The following PDS5A variants were observed in gnomAD, a reference collection of about 807,000 sequenced individuals.
PDS5A encodes the protein sister chromatid cohesion protein PDS5 homolog A.
A neutral mutation model predicts 167.1 loss-of-function variants in PDS5A; 42 were observed. The observed-to-expected ratio is 0.25, with a 90% CI of 0.20 to 0.33. The LOEUF is 0.33. PDS5A is among the 10% of genes least tolerant of loss of function. The probability of loss-of-function intolerance (pLI) is 1.00; values close to 1 mark genes in which losing one functional copy is unlikely to be tolerated. For missense variants in PDS5A, 1,033 were observed against 1,605.9 expected (o/e 0.64, Z 6.10); for synonymous variants, 553 against 554.6 (o/e 1.00, Z 0.04).
chr4:39,953,830 T>A (rs1377119647), intron 2 of PDS5A, among the ~76,000 whole-genome samples: 1 of 152,188 alleles, frequency 6.6e-6, no homozygotes, highest in African/African-American at 2.4e-5. Context: ...TATAAATGTT[T>A]CTGTTTACTC....
At chr4:39,826,961 T>C (rs1715380453) in intron 32 of PDS5A, among the ~76,000 whole-genome samples, 1 of 152,152 alleles carries the variant, frequency 6.6e-6, no homozygotes, top group Non-Finnish European at 1.5e-5. Flanking sequence ...AGACTATTAA[T>C]TTGTTATACT....
intron 10 of PDS5A, among the ~76,000 whole-genome samples, chr4:39,909,913 T>C (rs921972723): frequency 1.3e-5 from 2 of 152,198 alleles, no homozygotes; most frequent in Admixed American, 6.5e-5. Context: ...CCTTAAATTA[T>C]GATTTTCAAA....
chr4:39,879,718 T>C lies in PDS5A; in HGVS notation c.1992+10A>G. 1 of 1,560,662 alleles carries C rather than the reference T, an allele frequency of 6.4e-7. No individual in the cohort carries two copies. The highest frequency in any genetic ancestry group is 8.8e-7 in the Non-Finnish European group (1 of 1,132,534). On this transcript the variant is annotated intron_variant, in intron 18 of 32. Coordinates refer to ENST00000303538, the MANE Select transcript of PDS5A (RefSeq NM_001100399.2). The stretch of plus-strand genomic sequence containing the variant: ...GGAAATACATGGCAACAAAACTGTT[T>C]CAAAAATACCTTAAGAAGTTCAAGT...
At chr4:39,889,084 G>C (rs1721744758) in intron 17 of PDS5A, among the ~76,000 whole-genome samples, 1 of 152,176 alleles carries the variant, frequency 6.6e-6, no homozygotes, top group Admixed American at 6.5e-5. Context: ...ATCTCAGAAT[G>C]TGACTGTATT....
At position 39,929,837 on chromosome 4, in the gene PDS5A, C is replaced by G. The variant is rs1193655355; in HGVS notation, c.139-1673G>C. The stretch of plus-strand genomic sequence containing the variant: ...CTCAGCTCATTGCAACCTATGCCTC[C>G]CAGACTCAAGTGGTCCTCCAACCTC... On this transcript the variant is annotated intron_variant, in intron 2 of 32. Transcript: ENST00000303538. Among the ~76,000 whole-genome samples the G allele has an allele frequency of 3.3e-5, 5 of 150,790 alleles. No homozygotes were observed. In the East Asian group the frequency reaches 5.8e-4, roughly 18 times the overall value.
chr4:39,844,159 A>T (rs1357669716), intron 30 of PDS5A, among the ~76,000 whole-genome samples: 1 of 151,916 alleles, frequency 6.6e-6, no homozygotes, highest in Non-Finnish European at 1.5e-5. Flanking sequence ...CTTAAAAAAA[A>T]ATTACATAAA....
At chr4:39,945,806 G>A (rs2109776034) in intron 2 of PDS5A, among the ~76,000 whole-genome samples, 1 of 152,236 alleles carries the variant, frequency 6.6e-6, no homozygotes, top group South Asian at 2.1e-4. Flanking sequence ...TAAATCGTTT[G>A]CCTTATGCTT....
chr4:39,893,800 C>A (rs1396264616), intron 16 of PDS5A, among the ~76,000 whole-genome samples: 5 of 152,138 alleles, frequency 3.3e-5, no homozygotes, highest in Admixed American at 2.6e-4. Context: ...TCAAGTCACA[C>A]AATGCTAATA....
At chr4:39,886,409 G>C (rs963981795) in intron 17 of PDS5A, among the ~76,000 whole-genome samples, 3 of 151,998 alleles carry the variant, frequency 2.0e-5, no homozygotes. Context: ...GAGTAGTACT[G>C]TCATTTTAAC....
chr4:39,871,743 G>A (rs540132894), intron 21 of PDS5A, among the ~76,000 whole-genome samples: 1 of 152,020 alleles, frequency 6.6e-6, no homozygotes, highest in African/African-American at 2.4e-5. Context: ...TGCTCTTGTC[G>A]CCTAGGCTGG....
chr4:39,974,297 G>A, intron 2 of PDS5A: 3 of 534,516 alleles, frequency 5.6e-6, no homozygotes, highest in South Asian at 4.2e-5. Flanking sequence ...TTCTTCACAG[G>A]TTCCATGAGT....
intron 2 of PDS5A, among the ~76,000 whole-genome samples, chr4:39,948,621 ATTTTTT>A (rs55951253): frequency 9.0e-6 from 1 of 110,932 alleles, no homozygotes; most frequent in Admixed American, 1.0e-4. Flanking sequence ...CCACGCCTGG[ATTTTTT>A]TTTTTTTTTT....
chr4:39,829,279 G>GT (rs1353800009), intron 32 of PDS5A, among the ~76,000 whole-genome samples: 1 of 152,190 alleles, frequency 6.6e-6, no homozygotes, highest in East Asian at 1.9e-4. Context: ...TTGTAGCAAG[G>GT]TGGAAGCTGC....
chr4:39,883,909 CG>C (rs1194634002), intron 17 of PDS5A, among the ~76,000 whole-genome samples: 1 of 151,376 alleles, frequency 6.6e-6, no homozygotes, highest in Admixed American at 6.6e-5. Context: ...GGATTTCTGG[CG>C]TGAGTCACCA....
At chr4:39,973,398 A>G (rs1454493906) in intron 2 of PDS5A, 3 of 1,585,364 alleles carry the variant, frequency 1.9e-6, no homozygotes, top group Admixed American at 1.7e-5. Context: ...CTCCCGCAGC[A>G]TATTTATACT....
intron 2 of PDS5A, among the ~76,000 whole-genome samples, chr4:39,956,774 A>C (rs1235765435): frequency 1.3e-5 from 2 of 151,844 alleles, no homozygotes; most frequent in Non-Finnish European, 2.9e-5. Flanking sequence ...CTTGGCTTAA[A>C]CAATCCTCCT....
chr4:39,898,545 G>T lies in PDS5A; in HGVS notation c.1631-17C>A. The T allele has an allele frequency of 7.1e-7, 1 of 1,412,372 alleles. No homozygotes were observed. Among genetic ancestry groups the T allele is most frequent in the Non-Finnish European group, 9.5e-7 (1 of 1,050,096 alleles). The allele number at this position is 1,412,372 out of a possible 1,614,324, so 87.5% of individuals were successfully genotyped here. On this transcript the variant is annotated splice_polypyrimidine_tract_variant and intron_variant, in intron 15 of 32. Coordinates refer to ENST00000303538, the MANE Select transcript of PDS5A (RefSeq NM_001100399.2). The stretch of plus-strand genomic sequence containing the variant: ...GCAAATTCTCTATAAAATTAAAAGA[G>T]AATCAATATTAGAGAAGGAAAAAAA...
At chr4:39,945,009 T>C (rs551444441) in intron 2 of PDS5A, among the ~76,000 whole-genome samples, 1 of 152,320 alleles carries the variant, frequency 6.6e-6, no homozygotes, top group African/African-American at 2.4e-5. Context: ...GCTGCTAACA[T>C]GTATTGTGTT....
intron 2 of PDS5A, among the ~76,000 whole-genome samples, chr4:39,954,632 G>A (rs761614982): frequency 3.2e-5 from 4 of 124,112 alleles, no homozygotes; most frequent in Admixed American, 9.4e-5. Flanking sequence ...GAAATACATT[G>A]TCAAGACATA....
Sources: gnomAD v4.1 joint callset for allele counts (sites outside exome capture counted in the v4.1 genomes callset) on GRCh38, gnomAD v4.1.1 for gene constraint, MANE v1.5 for transcripts, NCBI Gene and HGNC (gene_info 2026-07-23, HGNC 2026-07-21) for gene names.